Variants in PPFIA2 observed in about 807,000 individuals in gnomAD.
PPFIA2 encodes the protein liprin-alpha-2.
Under a neutral mutation model 175.5 loss-of-function variants are expected in PPFIA2, and 46 were observed. The ratio of observed to expected loss-of-function variants is 0.26; its 90% CI spans 0.21 to 0.34. PPFIA2 has a LOEUF of 0.34. PPFIA2 is among the 10% of genes least tolerant of loss of function. PPFIA2 has a pLI of 1.00. For missense variants in PPFIA2, 1,179 were observed against 1,506.1 expected (o/e 0.78, Z 3.60); for synonymous variants, 568 against 511.4 (o/e 1.11, Z -1.49).
rs1396600139 is a variant in PPFIA2 at position 81,572,561 on chromosome 12, A to G, written c.303+104230T>C. ...CATATCACATGTCCAAATGTTTAAT[A>G]AACTTTAGAATAAATGTAGTTACTT... On this transcript the variant is annotated intron_variant, in intron 4 of 32. Coordinates refer to ENST00000549396, the MANE Select transcript of PPFIA2 (RefSeq NM_003625.5). 2.0e-5 allele frequency among the ~76,000 whole-genome samples: 3 copies of G among 152,018 alleles called. No homozygotes were observed. The South Asian group carries it at 6.2e-4, about 32-fold the overall frequency.
chr12:81,330,542 GAC>G (rs140194389), intron 21 of PPFIA2, among the ~76,000 whole-genome samples: 4,398 of 152,098 alleles, frequency 0.029, 197 homozygotes, highest in African/African-American at 0.1. Flanking sequence ...GGTCAACAAA[GAC>G]AAATATCTCC....
intron 28 of PPFIA2, among the ~76,000 whole-genome samples, chr12:81,274,243 A>G (rs1251458527): frequency 1.3e-5 from 2 of 152,176 alleles, no homozygotes; most frequent in East Asian, 3.8e-4. Flanking sequence ...TGAACGTGAC[A>G]ATGCTCTCAA....
intron 31 of PPFIA2, among the ~76,000 whole-genome samples, chr12:81,262,317 T>G (rs1427723062): frequency 6.6e-6 from 1 of 152,226 alleles, no homozygotes; most frequent in African/African-American, 2.4e-5. Flanking sequence ...GATTTTGATA[T>G]GGAGATTGCT....
chr12:81,602,449 T>C (rs1241898327), intron 4 of PPFIA2, among the ~76,000 whole-genome samples: 1 of 148,160 alleles, frequency 6.7e-6, no homozygotes, highest in African/African-American at 2.6e-5. Flanking sequence ...AAAAAGGTTG[T>C]GTTGTTGTTA....
intron 4 of PPFIA2, among the ~76,000 whole-genome samples, chr12:81,524,801 T>C (rs2063555224): frequency 6.6e-6 from 1 of 152,186 alleles, no homozygotes; most frequent in Non-Finnish European, 1.5e-5. Flanking sequence ...CCCTTAAAAT[T>C]CATATGTTCA....
At chr12:81,303,592 CT>C (rs1382881981) in intron 22 of PPFIA2, among the ~76,000 whole-genome samples, 2 of 152,154 alleles carry the variant, frequency 1.3e-5, no homozygotes, top group Admixed American at 6.6e-5. Flanking sequence ...TCAGGTTCTC[CT>C]ATTATTGATA....
At chr12:81,419,189 G>T (rs1199656741) in intron 7 of PPFIA2, among the ~76,000 whole-genome samples, 1 of 151,948 alleles carries the variant, frequency 6.6e-6, no homozygotes, top group Non-Finnish European at 1.5e-5. Flanking sequence ...TACTGATTAA[G>T]ATTATGATTT....
chr12:81,721,669 G>A (rs2079365917), intron 3 of PPFIA2, among the ~76,000 whole-genome samples: 1 of 151,120 alleles, frequency 6.6e-6, no homozygotes, highest in South Asian at 2.1e-4. Context: ...TTTACGATGA[G>A]AAAAATATTA....
chr12:81,325,453 T>C (rs1181502811), intron 22 of PPFIA2, among the ~76,000 whole-genome samples: 3 of 152,142 alleles, frequency 2.0e-5, no homozygotes, highest in Non-Finnish European at 4.4e-5. Context: ...CTAGATGGTA[T>C]AATCTCATTT....
intron 4 of PPFIA2, among the ~76,000 whole-genome samples, chr12:81,489,973 A>G (rs1593854883): frequency 6.6e-6 from 1 of 151,906 alleles, no homozygotes; most frequent in South Asian, 2.1e-4. Context: ...CTATTTTTCT[A>G]TCTCTTTTTC....
chr12:81,282,975 G>A, intron 26 of PPFIA2, 35 bp downstream of exon 26: 3 of 1,576,616 alleles, frequency 1.9e-6, no homozygotes, highest in Non-Finnish European at 2.6e-6. Flanking sequence ...CCTACTAAAT[G>A]ATATTAAGGG....
chr12:81,265,482 G>A (rs1353576218), intron 30 of PPFIA2, among the ~76,000 whole-genome samples: 3 of 151,972 alleles, frequency 2.0e-5, no homozygotes, highest in Admixed American at 6.6e-5. Context: ...GTCTGTATAA[G>A]CTTGTTGACA....
At chr12:81,294,159 G>C (rs552478823) in intron 24 of PPFIA2, among the ~76,000 whole-genome samples, 5 of 152,204 alleles carry the variant, frequency 3.3e-5, no homozygotes, top group South Asian at 4.2e-4. Context: ...GGTTGGTAGG[G>C]ATGAGGTTTG....
At chr12:81,615,764 T>C (rs897599721) in intron 4 of PPFIA2, among the ~76,000 whole-genome samples, 3 of 152,094 alleles carry the variant, frequency 2.0e-5, no homozygotes, top group Non-Finnish European at 4.4e-5. Flanking sequence ...ATGCAACACT[T>C]TTTTAGCACA....
chr12:81,568,798 A>C (rs1220655789), intron 4 of PPFIA2, among the ~76,000 whole-genome samples: 1 of 152,090 alleles, frequency 6.6e-6, no homozygotes, highest in East Asian at 1.9e-4. Context: ...AGAGGAATAG[A>C]CTCTCTACCC....
chr12:81,520,975 G>T lies in PPFIA2; in HGVS notation c.304-63109C>A. 1.3e-5 allele frequency among the ~76,000 whole-genome samples: 2 copies of T among 152,120 alleles called. 1 individual carries two copies. The highest frequency in any genetic ancestry group is 3.9e-4 in the East Asian group (2 of 5,192). ...TTTAGGGGGGGTGAGGAAGGGAGGT[G>T]TCATATGATATAAACATTGTAAAAC... is the stretch of plus-strand genomic sequence containing the variant. On this transcript the variant is annotated intron_variant, in intron 4 of 32. Transcript: ENST00000549396.
chr12:81,565,403 G>A (rs1011458997), intron 4 of PPFIA2, among the ~76,000 whole-genome samples: 14 of 152,238 alleles, frequency 9.2e-5, no homozygotes, highest in Admixed American at 3.9e-4. Context: ...TTTGGGACTC[G>A]GACTGGCTCT....
At chr12:81,583,765 A>G (rs772866332) in intron 4 of PPFIA2, among the ~76,000 whole-genome samples, 7 of 151,874 alleles carry the variant, frequency 4.6e-5, no homozygotes, top group Non-Finnish European at 1.0e-4. Context: ...TAGGGTCCAC[A>G]GTATGTTTTA....
intron 4 of PPFIA2, among the ~76,000 whole-genome samples, chr12:81,503,550 T>TA (rs11352249): frequency 2.2e-3 from 265 of 122,922 alleles, no homozygotes; most frequent in Middle Eastern, 9.7e-3. Context: ...GTTATTTTGC[T>TA]AAAAAAAAAA....
Sources: gnomAD v4.1 joint callset for allele counts (sites outside exome capture counted in the v4.1 genomes callset) on GRCh38, gnomAD v4.1.1 for gene constraint, MANE v1.5 for transcripts, NCBI Gene and HGNC (gene_info 2026-07-23, HGNC 2026-07-21) for gene names.